TMEM132D: variants seen among roughly 807,000 people sequenced by gnomAD.
TMEM132D encodes the protein transmembrane protein 132D, also known as mature OL transmembrane protein.
In TMEM132D, 21 loss-of-function variants were observed where a neutral mutation model predicts 62.3. The observed-to-expected ratio is 0.34, with a 90% confidence interval of 0.24 to 0.49. TMEM132D has a LOEUF of 0.49. Ranked by LOEUF, TMEM132D falls within the 20% of genes least tolerant of loss-of-function variation. The pLI is 0.99. For missense variants in TMEM132D, 1,346 were observed against 1,402.8 expected (o/e 0.96, Z 0.65); for synonymous variants, 621 against 575.6 (o/e 1.08, Z -1.13).
At chr12:129,720,366 C>G (rs1329647073) in intron 1 of TMEM132D, among the ~76,000 whole-genome samples, 1 of 152,196 alleles carries the variant, frequency 6.6e-6, no homozygotes, top group Non-Finnish European at 1.5e-5. Context: ...TGCACTCACT[C>G]ACTTAAGGAT....
intron 3 of TMEM132D, among the ~76,000 whole-genome samples, chr12:129,344,092 T>A (rs1228488641): frequency 6.6e-6 from 1 of 152,240 alleles, no homozygotes; most frequent in Non-Finnish European, 1.5e-5. Flanking sequence ...CTTTCGGGAA[T>A]GTCCTACTCT....
chr12:129,732,633 A>C (rs1347026652), intron 1 of TMEM132D, among the ~76,000 whole-genome samples: 3 of 152,142 alleles, frequency 2.0e-5, no homozygotes, highest in Non-Finnish European at 4.4e-5. Flanking sequence ...CAAGGTGTAA[A>C]TGCTCCCTGA....
chr12:129,574,985 A>G (rs899320746), intron 2 of TMEM132D, among the ~76,000 whole-genome samples: 1 of 151,752 alleles, frequency 6.6e-6, no homozygotes, highest in Admixed American at 6.6e-5. Context: ...AGCCAGAGCA[A>G]CAATGCAGTC....
chr12:129,852,435 T>C (rs1873574446), intron 1 of TMEM132D: 1 of 152,000 alleles, frequency 6.6e-6, no homozygotes, highest in African/African-American at 2.4e-5. Flanking sequence ...TCACAGCTGC[T>C]CATAAGGTTG....
intron 5 of TMEM132D, among the ~76,000 whole-genome samples, chr12:129,103,814 C>A (rs911274807): frequency 6.9e-6 from 1 of 144,382 alleles, no homozygotes; most frequent in African/African-American, 2.5e-5. Context: ...GAATAAAATA[C>A]CCAGGAATCC....
At chr12:129,267,868 G>C (rs890514423) in intron 4 of TMEM132D, among the ~76,000 whole-genome samples, 14 of 152,148 alleles carry the variant, frequency 9.2e-5, no homozygotes, top group Non-Finnish European at 1.8e-4. Flanking sequence ...AGAGCCCTCA[G>C]AAATAATGCT....
intron 2 of TMEM132D, among the ~76,000 whole-genome samples, chr12:129,679,850 T>C (rs1880736076): frequency 6.6e-6 from 1 of 152,206 alleles, no homozygotes; most frequent in Non-Finnish European, 1.5e-5. Flanking sequence ...TTGTCTCTTA[T>C]ATGCTTTGCA....
At chr12:129,162,679 G>A (rs1171884933) in intron 5 of TMEM132D, among the ~76,000 whole-genome samples, 4 of 151,994 alleles carry the variant, frequency 2.6e-5, no homozygotes, top group Non-Finnish European at 4.4e-5. Context: ...GCACCTCCCC[G>A]ACTCTCGTTC....
chr12:129,217,795 T>C (rs1879249389), intron 4 of TMEM132D, among the ~76,000 whole-genome samples: 1 of 152,214 alleles, frequency 6.6e-6, no homozygotes, highest in South Asian at 2.1e-4. Flanking sequence ...AGGATTTGCG[T>C]TACATATTGA....
At chr12:129,298,836 G>T (rs1051872410) in intron 4 of TMEM132D, among the ~76,000 whole-genome samples, 1 of 152,286 alleles carries the variant, frequency 6.6e-6, no homozygotes, top group South Asian at 2.1e-4. Context: ...TTAGTGACAG[G>T]CACTGAACAA....
chr12:129,540,581 G>T (rs1203457827), intron 2 of TMEM132D, among the ~76,000 whole-genome samples: 2 of 151,900 alleles, frequency 1.3e-5, no homozygotes, highest in Non-Finnish European at 2.9e-5. Flanking sequence ...CACCTCCCTG[G>T]TTCAAGCAAT....
intron 2 of TMEM132D, among the ~76,000 whole-genome samples, chr12:129,620,111 C>T (rs567394403): frequency 6.6e-6 from 1 of 152,212 alleles, no homozygotes; most frequent in South Asian, 2.1e-4. Flanking sequence ...ATCTTCGATT[C>T]TGCACATCCT....
intron 1 of TMEM132D, chr12:129,855,034 G>C (rs889774352): frequency 3.3e-5 from 5 of 152,684 alleles, no homozygotes; most frequent in Non-Finnish European, 5.8e-5. Flanking sequence ...GCTATTAGAC[G>C]GAGAGCCCTA....
At chr12:129,520,680 C>T (rs1351075568) in intron 3 of TMEM132D, among the ~76,000 whole-genome samples, 3 of 152,152 alleles carry the variant, frequency 2.0e-5, no homozygotes, top group African/African-American at 7.2e-5. Flanking sequence ...TTAATGATTT[C>T]AGGTAAAAGA....
intron 4 of TMEM132D, among the ~76,000 whole-genome samples, chr12:129,316,667 T>C (rs1593334600): frequency 6.6e-6 from 1 of 152,332 alleles, no homozygotes; most frequent in East Asian, 1.9e-4. Context: ...AGTCCATTTG[T>C]TCCAAGGTAT....
intron 4 of TMEM132D, among the ~76,000 whole-genome samples, chr12:129,286,781 C>T (rs1454742961): frequency 1.3e-5 from 2 of 152,198 alleles, no homozygotes; most frequent in African/African-American, 2.4e-5. Context: ...AGCATGGTGG[C>T]TTATGCCTGT....
intron 1 of TMEM132D, among the ~76,000 whole-genome samples, chr12:129,753,740 G>A (rs1445046802): frequency 6.6e-6 from 1 of 152,158 alleles, no homozygotes; most frequent in East Asian, 1.9e-4. Flanking sequence ...TTCCTATTAT[G>A]CAAGACACAT....
Position 129,094,949 on chromosome 12 carries a change from G to A in TMEM132D, c.1444-10247C>T, listed in dbSNP as rs1351398936. Reference sequence around the variant, plus strand: ...TCGCAAGGACAAAAAACCAAACACCGCATGTTCTCACTCATAGGTGGGAAT... The same window carrying A: ...TCGCAAGGACAAAAAACCAAACACCACATGTTCTCACTCATAGGTGGGAAT... On this transcript the variant is annotated intron_variant, in intron 5 of 8. Transcript: ENST00000422113. 2.7e-5 allele frequency among the ~76,000 whole-genome samples: 4 copies of A among 147,316 alleles called. 1 individual carries two copies. Among genetic ancestry groups the A allele is most frequent in the Admixed American group, 1.4e-4 (2 of 14,366 alleles).
intron 4 of TMEM132D, among the ~76,000 whole-genome samples, chr12:129,292,643 A>T (rs1490379314): frequency 6.6e-6 from 1 of 152,232 alleles, no homozygotes; most frequent in African/African-American, 2.4e-5. Flanking sequence ...GTATAGACAC[A>T]TGCAAGGATA....
Sources: gnomAD v4.1 joint callset for allele counts (sites outside exome capture counted in the v4.1 genomes callset) on GRCh38, gnomAD v4.1.1 for gene constraint, MANE v1.5 for transcripts, NCBI Gene and HGNC (gene_info 2026-07-23, HGNC 2026-07-21) for gene names.